The following POFUT3 variants were observed in gnomAD, a reference collection of about 807,000 sequenced individuals.
The protein encoded by POFUT3 is GDP-fucose protein O-fucosyltransferase 3.
At chr8:33,435,350 TG>T in the POFUT3 span, among the ~76,000 whole-genome samples, 2 of 151,800 alleles carry the variant, frequency 1.3e-5, no homozygotes, top group African/African-American at 4.8e-5. Context: ...CCCAAGTAGC[TG>T]GGACTACAGG....
At chr8:33,468,959 T>C in the POFUT3 span, among the ~76,000 whole-genome samples, 1 of 152,234 alleles carries the variant, frequency 6.6e-6, no homozygotes, top group Non-Finnish European at 1.5e-5. Context: ...GGAAAGTTTT[T>C]AGAAGAAATG....
chr8:33,370,217 T>C, the POFUT3 span, among the ~76,000 whole-genome samples: 1 of 133,194 alleles, frequency 7.5e-6, no homozygotes, highest in Non-Finnish European at 1.6e-5. Flanking sequence ...TGTCCAGGCC[T>C]GGTGGCAGGT....
the POFUT3 span, among the ~76,000 whole-genome samples, chr8:33,330,474 C>T: frequency 6.6e-6 from 1 of 151,986 alleles, no homozygotes; most frequent in East Asian, 1.9e-4. Flanking sequence ...AAAAAATTTC[C>T]ACCCCTCAAA....
the POFUT3 span, among the ~76,000 whole-genome samples, chr8:33,318,003 G>A: frequency 6.6e-6 from 1 of 152,100 alleles, no homozygotes; most frequent in Non-Finnish European, 1.5e-5. Context: ...AATGTCTGGT[G>A]AATAAAATGC....
chr8:33,381,653 TA>T, the POFUT3 span, among the ~76,000 whole-genome samples: 1 of 152,196 alleles, frequency 6.6e-6, no homozygotes, highest in Non-Finnish European at 1.5e-5. Context: ...AGAGTGCACT[TA>T]AATGCAGCAT....
chr8:33,317,673 T>C, the POFUT3 span, among the ~76,000 whole-genome samples: 2 of 152,112 alleles, frequency 1.3e-5, no homozygotes, highest in African/African-American at 2.4e-5. Flanking sequence ...CAATTCTCTT[T>C]GCTGGTTGCC....
the POFUT3 span, among the ~76,000 whole-genome samples, chr8:33,459,921 T>C: frequency 6.6e-6 from 1 of 151,910 alleles, no homozygotes; most frequent in Non-Finnish European, 1.5e-5. Flanking sequence ...TGAGGCCAGG[T>C]GTGGTGGCTC....
the POFUT3 span, among the ~76,000 whole-genome samples, chr8:33,347,052 G>A: frequency 6.6e-6 from 1 of 152,228 alleles, no homozygotes; most frequent in East Asian, 1.9e-4. Flanking sequence ...CCAACTCTCT[G>A]ACACTTAGCA....
chr8:33,460,323 C>A, the POFUT3 span, among the ~76,000 whole-genome samples: 1 of 152,096 alleles, frequency 6.6e-6, no homozygotes, highest in Non-Finnish European at 1.5e-5. Context: ...CCACTGCTCT[C>A]CAGCCTGGGT....
At chr8:33,323,387 T>C in the POFUT3 span, among the ~76,000 whole-genome samples, 1 of 152,172 alleles carries the variant, frequency 6.6e-6, no homozygotes, top group Admixed American at 6.5e-5. Flanking sequence ...TGCATGAAGC[T>C]TTTTTCTTCT....
the POFUT3 span, among the ~76,000 whole-genome samples, chr8:33,384,731 G>A: frequency 6.6e-6 from 1 of 152,142 alleles, no homozygotes; most frequent in Non-Finnish European, 1.5e-5. Context: ...TAAGGTAGGA[G>A]AATCATTTGA....
the POFUT3 span, among the ~76,000 whole-genome samples, chr8:33,349,291 A>T: frequency 0.029 from 4,430 of 152,152 alleles, 83 homozygotes; most frequent in Middle Eastern, 0.075. Context: ...CCTTAAAAAA[A>T]TTTTTTTTGA....
At chr8:33,415,299 A>C in the POFUT3 span, among the ~76,000 whole-genome samples, 2 of 152,132 alleles carry the variant, frequency 1.3e-5, no homozygotes, top group Non-Finnish European at 2.9e-5. Context: ...CAAATCTACA[A>C]GGACAAATAA....
chr8:33,439,882 C>A, the POFUT3 span, among the ~76,000 whole-genome samples: 4 of 151,854 alleles, frequency 2.6e-5, no homozygotes, highest in South Asian at 8.3e-4. Flanking sequence ...AAGCAAAAAA[C>A]GAAAAAGAAT....
chr8:33,408,498 C>T, the POFUT3 span, among the ~76,000 whole-genome samples: 5 of 152,026 alleles, frequency 3.3e-5, no homozygotes, highest in African/African-American at 1.2e-4. Flanking sequence ...CCTGGGCACA[C>T]TCCTATCAAA....
At chr8:33,442,608 A>G in the POFUT3 span, among the ~76,000 whole-genome samples, 1 of 148,618 alleles carries the variant, frequency 6.7e-6, no homozygotes, top group Non-Finnish European at 1.5e-5. Flanking sequence ...TTAACCAAAA[A>G]AAGGCTACCA....
At chr8:33,455,801 G>A in the POFUT3 span, 5 of 455,868 alleles carry the variant, frequency 1.1e-5, no homozygotes, top group South Asian at 6.2e-5. Flanking sequence ...CCTGGTGTTA[G>A]ATAAAGGCCG....
chr8:33,419,874 T>A, the POFUT3 span, among the ~76,000 whole-genome samples: 1 of 152,236 alleles, frequency 6.6e-6, no homozygotes, highest in Non-Finnish European at 1.5e-5. Context: ...CAGCCTGTAA[T>A]CCCAGCACTT....
chr8:33,355,645 C>A, the POFUT3 span, among the ~76,000 whole-genome samples: 1 of 151,780 alleles, frequency 6.6e-6, no homozygotes, highest in East Asian at 1.9e-4. Context: ...TCATCTCAGA[C>A]AATAACAACA....
Sources: gnomAD v4.1 joint callset for allele counts (sites outside exome capture counted in the v4.1 genomes callset) on GRCh38, gnomAD v4.1.1 for gene constraint, MANE v1.5 for transcripts, NCBI Gene and HGNC (gene_info 2026-07-23, HGNC 2026-07-21) for gene names.